The following PSD3 variants were observed in gnomAD, a reference collection of about 807,000 sequenced individuals.
PSD3 encodes the protein PH and SEC7 domain-containing protein 3.
A neutral mutation model predicts 105.5 loss-of-function variants in PSD3; 49 were observed. The observed-to-expected ratio is 0.46, with a 90% confidence interval of 0.37 to 0.59. The LOEUF is 0.59. Ranked by LOEUF, PSD3 falls within the 20% of genes least tolerant of loss-of-function variation. PSD3 has a pLI of 0.00. For missense variants in PSD3, 1,561 were observed against 1,263.8 expected, an observed-to-expected ratio of 1.24 and a Z score of -3.57; for synonymous variants, 557 against 457.8, an observed-to-expected ratio of 1.22 and a Z score of -2.77.
At chr8:18,716,889 G>A (rs142575823) in intron 9 of PSD3, among the ~76,000 whole-genome samples, 4 of 152,298 alleles carry the variant, frequency 2.6e-5, no homozygotes, top group African/African-American at 2.4e-5. Context: ...GCACATGTGT[G>A]AGCATGATCA....
At chr8:18,599,837 T>C (rs1296920708) in intron 12 of PSD3, among the ~76,000 whole-genome samples, 1 of 152,144 alleles carries the variant, frequency 6.6e-6, no homozygotes, top group South Asian at 2.1e-4. Flanking sequence ...GTTGTGTGCA[T>C]GGAGGGATGA....
intron 9 of PSD3, among the ~76,000 whole-genome samples, chr8:18,670,556 T>C (rs931821819): frequency 2.6e-5 from 4 of 152,048 alleles, no homozygotes; most frequent in African/African-American, 9.7e-5. Flanking sequence ...TCAGGCTGTT[T>C]TTCTAAATTA....
At chr8:18,995,151 C>G (rs1256081174) in intron 1 of PSD3, among the ~76,000 whole-genome samples, 1 of 152,124 alleles carries the variant, frequency 6.6e-6, no homozygotes. Context: ...TAAAAGCTGA[C>G]AACTGAACTG....
At chr8:18,744,107 ATT>A (rs1232791162) in intron 9 of PSD3, among the ~76,000 whole-genome samples, 1 of 152,138 alleles carries the variant, frequency 6.6e-6, no homozygotes, top group Non-Finnish European at 1.5e-5. Context: ...TCCATACTTA[ATT>A]TTGTATTGAT....
intron 9 of PSD3, chr8:18,733,246 C>CT (rs1474494542): frequency 2.0e-5 from 3 of 152,020 alleles, no homozygotes; most frequent in African/African-American, 4.8e-5. Flanking sequence ...AGGAAAATCT[C>CT]TTTTTTTAAA....
intron 12 of PSD3, among the ~76,000 whole-genome samples, chr8:18,597,002 G>A (rs1005830080): frequency 2.5e-4 from 38 of 152,162 alleles, no homozygotes; most frequent in Non-Finnish European, 4.7e-4. Context: ...ATCAAAACCA[G>A]AAAACAGTAC....
intron 11 of PSD3, among the ~76,000 whole-genome samples, chr8:18,600,945 T>C (rs1011585662): frequency 6.6e-6 from 1 of 152,228 alleles, no homozygotes; most frequent in South Asian, 2.1e-4. Context: ...AGTGCAAGTT[T>C]AAATGTTATT....
At chr8:19,010,352 G>A (rs1343922637) in intron 1 of PSD3, among the ~76,000 whole-genome samples, 1 of 152,168 alleles carries the variant, frequency 6.6e-6, no homozygotes, top group African/African-American at 2.4e-5. Flanking sequence ...CCTTCTGGGC[G>A]CAGTGAAAAA....
intron 1 of PSD3, among the ~76,000 whole-genome samples, chr8:19,075,974 A>G (rs1034299733): frequency 3.9e-5 from 6 of 152,226 alleles, no homozygotes; most frequent in Admixed American, 3.9e-4. Context: ...TTTATGTAAT[A>G]CTTTTTCTCC....
intron 1 of PSD3, among the ~76,000 whole-genome samples, chr8:18,971,272 A>G (rs577030351): frequency 8.5e-4 from 129 of 152,314 alleles, no homozygotes; most frequent in African/African-American, 3.0e-3. Context: ...ACCCAGGCTC[A>G]GGCGGGAACA....
At position 18,856,934 on chromosome 8, in the gene PSD3, TAGAC is replaced by T. The variant is rs370402150; in HGVS notation, c.1634+10736_1634+10739del. Among the ~76,000 whole-genome samples, 88 of 152,332 alleles carry T rather than the reference TAGAC, an allele frequency of 5.8e-4. 2 individuals carry two copies. In the South Asian group the frequency reaches 0.018, roughly 31 times the overall value. On this transcript the variant is annotated intron_variant, in intron 4 of 15. Transcript: ENST00000327040. ...ACTGATTATGTGCCAGTAAATGACT[TAGAC>T]AGAGAATTGACTAAAATTTGAACCA...
At chr8:18,554,530 A>G (rs1800954193) in intron 15 of PSD3, among the ~76,000 whole-genome samples, 1 of 152,174 alleles carries the variant, frequency 6.6e-6, no homozygotes, top group African/African-American at 2.4e-5. Flanking sequence ...CATGAAGAAA[A>G]CTAGTACATG....
intron 4 of PSD3, among the ~76,000 whole-genome samples, chr8:18,847,259 GA>G (rs1356382844): frequency 1.3e-5 from 2 of 152,184 alleles, no homozygotes; most frequent in African/African-American, 4.8e-5. Context: ...TCCCTTCCTG[GA>G]AAAGGTGCAA....
chr8:18,669,555 G>A (rs1469775862), intron 9 of PSD3, among the ~76,000 whole-genome samples: 2 of 152,228 alleles, frequency 1.3e-5, no homozygotes, highest in African/African-American at 4.8e-5. Flanking sequence ...GTAAGTGACT[G>A]AGGGCAGGGA....
chr8:18,872,210 G>T lies in PSD3; in HGVS notation c.654C>A (p.Thr218=). 1 of 1,614,136 alleles carries T rather than the reference G, an allele frequency of 6.2e-7. No individual in the cohort carries two copies. The highest frequency in any genetic ancestry group is 8.5e-7 in the Non-Finnish European group (1 of 1,180,016). ...CCTGAGTGTCTCCAGTTAACAGCGCGGTGAGATCTTTCTGGATGCTCAAAT... is the reference window on the plus strand; with the variant it reads ...CCTGAGTGTCTCCAGTTAACAGCGCTGTGAGATCTTTCTGGATGCTCAAAT... ...SFYLSIQKDL[T]ALLTGDTQAE... The change falls in exon 3 of 16, where the codon ACC becomes ACA. Residue 218 remains threonine, a synonymous_variant. Coordinates refer to ENST00000327040, the MANE Select transcript of PSD3 (RefSeq NM_015310.4).
At chr8:18,720,191 A>G (rs932584148) in intron 9 of PSD3, among the ~76,000 whole-genome samples, 1 of 152,182 alleles carries the variant, frequency 6.6e-6, no homozygotes, top group African/African-American at 2.4e-5. Flanking sequence ...ACAAAAAAAC[A>G]AAAAACCCTC....
chr8:18,972,337 G>A (rs1011452964), intron 1 of PSD3, among the ~76,000 whole-genome samples: 1 of 152,204 alleles, frequency 6.6e-6, no homozygotes, highest in Non-Finnish European at 1.5e-5. Flanking sequence ...GTAACAGGAG[G>A]GGAGCAGGGA....
At chr8:18,911,838 A>C (rs1329265910) in intron 2 of PSD3, among the ~76,000 whole-genome samples, 1 of 152,322 alleles carries the variant, frequency 6.6e-6, no homozygotes, top group East Asian at 1.9e-4. Flanking sequence ...ACAATGAAGC[A>C]GAGAACTCAG....
At chr8:18,667,469 C>G (rs1799538480) in intron 9 of PSD3, among the ~76,000 whole-genome samples, 1 of 152,126 alleles carries the variant, frequency 6.6e-6, no homozygotes, top group South Asian at 2.1e-4. Context: ...CTCCAAGTCC[C>G]CACCAGATTA....
Sources: allele counts gnomAD v4.1 joint callset (sites outside exome capture counted in the v4.1 genomes callset), GRCh38; gene constraint gnomAD v4.1.1; transcripts MANE v1.5; gene names NCBI Gene and HGNC (gene_info 2026-07-23, HGNC 2026-07-21).